TRPC4: variants seen among roughly 807,000 people sequenced by gnomAD.
The protein encoded by TRPC4 is transient receptor potential cation channel subfamily C member 4, also known as short transient receptor potential channel 4.
Under a neutral mutation model 99.4 loss-of-function variants are expected in TRPC4, and 49 were observed. The ratio of observed to expected loss-of-function variants is 0.49; its 90% confidence interval spans 0.39 to 0.63. The LOEUF (loss-of-function observed/expected upper bound fraction) is 0.63, where lower values mean the gene tolerates loss of function less well. Among genes scored for constraint, TRPC4 ranks in the 20% least tolerant of loss-of-function variants. TRPC4 has a pLI of 0.00. For synonymous variants in TRPC4, 454 were observed against 425.9 expected (o/e 1.07, Z -0.81); for missense variants, 898 against 1,152.9 (o/e 0.78, Z 3.20).
intron 8 of TRPC4, among the ~76,000 whole-genome samples, chr13:37,644,663 G>A (rs2138567137): frequency 6.6e-6 from 1 of 152,072 alleles, no homozygotes; most frequent in Admixed American, 6.5e-5. Context: ...GAGGTCAGGA[G>A]CTCAAGACCA....
chr13:37,785,087 A>T (rs1446862159), intron 1 of TRPC4, among the ~76,000 whole-genome samples: 2 of 152,158 alleles, frequency 1.3e-5, no homozygotes, highest in Non-Finnish European at 2.9e-5. Flanking sequence ...ACTCTAGAAT[A>T]ACAGGAATAG....
intron 5 of TRPC4, among the ~76,000 whole-genome samples, chr13:37,665,481 T>C (rs368977462): frequency 1.3e-5 from 2 of 152,140 alleles, no homozygotes; most frequent in African/African-American, 4.8e-5. Context: ...CAAAATGCCC[T>C]GAATATCGTG....
chr13:37,773,552 C>A (rs1220055891), intron 2 of TRPC4, among the ~76,000 whole-genome samples: 1 of 151,894 alleles, frequency 6.6e-6, no homozygotes, highest in East Asian at 2.0e-4. Flanking sequence ...CTCTGCAACT[C>A]CTTAGCAGTA....
At chr13:37,782,743 C>T (rs1386459695) in intron 2 of TRPC4, among the ~76,000 whole-genome samples, 2 of 151,794 alleles carry the variant, frequency 1.3e-5, no homozygotes, top group African/African-American at 2.4e-5. Flanking sequence ...TTATGATTTT[C>T]CAGGGCAGGA....
intron 1 of TRPC4, among the ~76,000 whole-genome samples, chr13:37,787,055 A>G (rs1025096489): frequency 6.6e-6 from 1 of 152,044 alleles, no homozygotes; most frequent in Admixed American, 6.6e-5. Context: ...ATTTATATGT[A>G]TCTGAAGGCA....
intron 1 of TRPC4, among the ~76,000 whole-genome samples, chr13:37,821,785 T>G (rs1300621531): frequency 1.3e-5 from 2 of 152,132 alleles, no homozygotes; most frequent in Non-Finnish European, 2.9e-5. Context: ...ACTGGGTCTT[T>G]CCTTACACAA....
chr13:37,862,972 T>A lies in TRPC4; in HGVS notation c.-28+6623A>T, dbSNP rs145655653. Among the ~76,000 whole-genome samples the A allele has an allele frequency of 9.5e-3, 1,445 of 151,668 alleles. 9 individuals are homozygous for A. The highest frequency in any genetic ancestry group is 0.014 in the Non-Finnish European group (949 of 67,558). ...ATTTTTACTGTACTTTTTCTATGTT[T>A]AAATACACAAATACCTACCATTGTA... On this transcript the variant is annotated intron_variant, in intron 1 of 10. Transcript: ENST00000379705.
chr13:37,846,025 T>G (rs555860291), intron 1 of TRPC4, among the ~76,000 whole-genome samples: 1 of 152,112 alleles, frequency 6.6e-6, no homozygotes, highest in African/African-American at 2.4e-5. Flanking sequence ...TCTATATTAA[T>G]AGTGCTGAAG....
intron 10 of TRPC4, 95 bp from the exon 11 acceptor site, chr13:37,637,720 C>A: frequency 1.6e-6 from 2 of 1,249,294 alleles, no homozygotes; most frequent in Non-Finnish European, 2.2e-6. Flanking sequence ...TGTTTTCACT[C>A]CTTTTTAAAA....
At chr13:37,703,344 G>A (rs891850605) in intron 3 of TRPC4, among the ~76,000 whole-genome samples, 5 of 151,986 alleles carry the variant, frequency 3.3e-5, no homozygotes, top group African/African-American at 1.2e-4. Flanking sequence ...GTGGTACAAC[G>A]TCTACCTAGA....
At chr13:37,818,952 A>T (rs9576368) in intron 1 of TRPC4, among the ~76,000 whole-genome samples, 43,848 of 151,796 alleles carry the variant, frequency 0.29, 6,552 homozygotes, top group East Asian at 0.43. Flanking sequence ...AAGTACAATT[A>T]AAAAAAATAC....
intron 2 of TRPC4, among the ~76,000 whole-genome samples, chr13:37,767,682 C>T (rs1956418346): frequency 6.6e-6 from 1 of 151,270 alleles, no homozygotes; most frequent in Admixed American, 6.6e-5. Flanking sequence ...TTAACTAAAG[C>T]CTGTAAGACC....
At chr13:37,834,151 C>A (rs1242946051) in intron 1 of TRPC4, among the ~76,000 whole-genome samples, 1 of 152,126 alleles carries the variant, frequency 6.6e-6, no homozygotes, top group African/African-American at 2.4e-5. Context: ...AATTTCGGCA[C>A]ATATTTCACT....
At chr13:37,660,179 G>C (rs1312656951) in intron 6 of TRPC4, among the ~76,000 whole-genome samples, 2 of 152,120 alleles carry the variant, frequency 1.3e-5, no homozygotes, top group Non-Finnish European at 2.9e-5. Context: ...AAAATTATCA[G>C]AGTATACTTA....
intron 7 of TRPC4, among the ~76,000 whole-genome samples, chr13:37,654,880 T>G (rs1021810409): frequency 6.6e-6 from 1 of 152,206 alleles, no homozygotes; most frequent in African/African-American, 2.4e-5. Context: ...ATCTTTGTAA[T>G]CATGTGTAAC....
intron 1 of TRPC4, among the ~76,000 whole-genome samples, chr13:37,860,335 A>C (rs9576388): frequency 0.69 from 104,180 of 150,926 alleles, 36,100 homozygotes; most frequent in Admixed American, 0.75. Context: ...AAACACTCAA[A>C]CCCACCACGA....
intron 3 of TRPC4, among the ~76,000 whole-genome samples, chr13:37,721,633 A>G (rs2139036437): frequency 6.6e-6 from 1 of 152,274 alleles, no homozygotes; most frequent in East Asian, 1.9e-4. Flanking sequence ...TAAATGTTCG[A>G]AGATTGTTTA....
chr13:37,771,951 G>A (rs540333828), intron 2 of TRPC4, among the ~76,000 whole-genome samples: 3 of 151,720 alleles, frequency 2.0e-5, no homozygotes, highest in Admixed American at 1.3e-4. Context: ...GGGTGGACTT[G>A]TGAGGAGGAT....
intron 5 of TRPC4, among the ~76,000 whole-genome samples, chr13:37,672,638 G>T (rs191804014): frequency 1.3e-5 from 2 of 152,272 alleles, no homozygotes; most frequent in Non-Finnish European, 2.9e-5. Flanking sequence ...TTAGAAGTAG[G>T]TCTAAACAAT....
Sources: gnomAD v4.1 joint callset for allele counts (sites outside exome capture counted in the v4.1 genomes callset) on GRCh38, gnomAD v4.1.1 for gene constraint, MANE v1.5 for transcripts, NCBI Gene and HGNC (gene_info 2026-07-23, HGNC 2026-07-21) for gene names.